MED23: variants seen among roughly 807,000 people sequenced by gnomAD.
MED23 encodes the protein mediator of RNA polymerase II transcription subunit 23.
A neutral mutation model predicts 163.9 loss-of-function variants in MED23; 105 were observed. The ratio of observed to expected loss-of-function variants is 0.64; its 90% CI spans 0.55 to 0.75. The LOEUF is 0.75. Ranked by LOEUF, MED23 falls within the 30% of genes least tolerant of loss-of-function variation. MED23 has a pLI of 0.00. For missense variants in MED23, 1,054 were observed against 1,649.0 expected, an observed-to-expected ratio of 0.64 and a Z score of 6.25; for synonymous variants, 561 against 565.6, an observed-to-expected ratio of 0.99 and a Z score of 0.12.
chr6:131,617,712 T>C (rs1776793394), intron 9 of MED23, among the ~76,000 whole-genome samples: 1 of 152,160 alleles, frequency 6.6e-6, no homozygotes, highest in Non-Finnish European at 1.5e-5. Context: ...GTTGACAATG[T>C]AGATATAGTT....
At chr6:131,577,371 A>G (rs1357851402) in intron 30 of MED23, among the ~76,000 whole-genome samples, 1 of 152,174 alleles carries the variant, frequency 6.6e-6, no homozygotes, top group South Asian at 2.1e-4. Flanking sequence ...ATATATTTAC[A>G]TTTTGACCCA....
Position 131,602,376 on chromosome 6 carries a change from TCGA to T in MED23, c.1934_1936del (p.Val645del). On this transcript the variant is annotated inframe_deletion and splice_region_variant, in exon 17 of 29. Coordinates refer to ENST00000368068, the MANE Select transcript of MED23 (RefSeq NM_004830.4). Reference sequence around the variant, plus strand: ...TGTTATAAGCCTGAGAGCAGTGCTCTCGACACTGAAAATTGGGAGAATAAAAAG... The same window carrying T: ...TGTTATAAGCCTGAGAGCAGTGCTCTCACTGAAAATTGGGAGAATAAAAAG... 2 of 1,612,590 alleles carry T rather than the reference TCGA, an allele frequency of 1.2e-6. No homozygotes were observed. The highest frequency in any genetic ancestry group is 1.7e-6 in the Non-Finnish European group (2 of 1,179,370).
Position 131,587,818 on chromosome 6 carries a change from G to A in MED23, c.3968C>T (p.Pro1323Leu), listed in dbSNP as rs1198337752. 6.2e-7 allele frequency: 1 copy of A among 1,613,512 alleles called. No homozygotes were observed. The highest frequency in any genetic ancestry group is 8.5e-7 in the Non-Finnish European group (1 of 1,179,788). ...QVEKIICNLKPALKLRLRFIT... is the reference protein window; with the variant it reads ...QVEKIICNLKLALKLRLRFIT... The stretch of plus-strand genomic sequence containing the variant: ...GAATCGAAGACGAAGTTTTAAAGCT[G>A]GTTTTAAGTTACAGATAATCTTCTC... Residue 1323 changes from proline to leucine, a missense_variant, in exon 29 of 29, where the codon CCA becomes CTA. Pro to Leu is a moderately conservative substitution (Grantham distance 98). Transcript: ENST00000368068.
Position 131,587,158 on chromosome 6 carries a change from AT to A in MED23, c.*520del, listed in dbSNP as rs1185959383. The A allele has an allele frequency of 1.7e-6, 2 of 1,203,144 alleles. No individual in the cohort carries two copies. The highest frequency in any genetic ancestry group is 3.2e-5 in the African/African-American group (2 of 63,234). 74.5% of individuals were successfully genotyped at this position (1,203,144 alleles called of 1,614,324 possible). ...AAAATTTCAAGTCATTTTAAAAAGA[AT>A]ATGAAGCCTTGTTTGCTCCTACAAT... On this transcript the variant is annotated 3_prime_UTR_variant, in exon 29 of 29. Coordinates refer to ENST00000368068, the MANE Select transcript of MED23 (RefSeq NM_004830.4).
At chr6:131,625,369 G>T (rs1777409796) in intron 3 of MED23, among the ~76,000 whole-genome samples, 1 of 152,120 alleles carries the variant, frequency 6.6e-6, no homozygotes, top group South Asian at 2.1e-4. Context: ...ATTCATTATG[G>T]ATCAGTATGT....
At chr6:131,576,230 T>C (rs1164435817) in intron 30 of MED23, among the ~76,000 whole-genome samples, 1 of 152,218 alleles carries the variant, frequency 6.6e-6, no homozygotes, top group Non-Finnish European at 1.5e-5. Context: ...AAACTGGAGT[T>C]AAATGCCCAT....
In MED23 at chr6:131,598,879, G is replaced by A; in HGVS notation, c.2221-118C>T. On this transcript the variant is annotated intron_variant, in intron 18 of 28. Coordinates refer to ENST00000368068, the MANE Select transcript of MED23 (RefSeq NM_004830.4). The surrounding 1 kb of genome is among the most constrained non-coding windows in gnomAD (Gnocchi z 4.7). Reference sequence around the variant, plus strand: ...ACTAATAAACTCTAGGTCACCTTGAGCAACTCAGCAATTAAGGCCTGAATT... The same window carrying A: ...ACTAATAAACTCTAGGTCACCTTGAACAACTCAGCAATTAAGGCCTGAATT... The A allele has an allele frequency of 1.1e-6, 1 of 898,674 alleles. No individual in the cohort carries two copies. Among genetic ancestry groups the A allele is most frequent in the South Asian group, 1.4e-5 (1 of 69,942 alleles). 55.7% of individuals were successfully genotyped at this position (898,674 alleles called of 1,614,324 possible).
At chr6:131,596,372 C>T in intron 21 of MED23, 146 bp downstream of exon 21, 3 of 1,008,144 alleles carry the variant, frequency 3.0e-6, no homozygotes, top group Non-Finnish European at 3.0e-6. Context: ...AACTCTCAAA[C>T]CTTGAAGAAG....
At chr6:131,583,435 T>C (rs755779260), downstream of MED23, 15 of 1,613,984 alleles carry the variant, frequency 9.3e-6, no homozygotes, top group African/African-American at 1.9e-4. Flanking sequence ...ACACCAGTCG[T>C]GGGAGGTCTG....
intron 4 of MED23, 21 bp downstream of exon 4, chr6:131,624,844 G>A (rs1777366286): frequency 1.2e-6 from 2 of 1,613,002 alleles, no homozygotes; most frequent in Admixed American, 1.7e-5. Context: ...TCTTCAGATT[G>A]CTCATACCCA....
chr6:131,574,392 AGTC>A, intron 30 of MED23: 35 of 1,403,232 alleles, frequency 2.5e-5, no homozygotes, highest in Non-Finnish European at 3.5e-5. Flanking sequence ...ATCCTCCAAA[AGTC>A]TCTCCCAAAC....
downstream of MED23, chr6:131,582,727 C>A (rs752122488): frequency 6.2e-7 from 1 of 1,611,334 alleles, no homozygotes; most frequent in South Asian, 1.1e-5. Context: ...TAAGCTTATT[C>A]CTTGATGTGA....
downstream of MED23, chr6:131,583,619 AC>A: frequency 6.6e-7 from 1 of 1,515,888 alleles, no homozygotes; most frequent in Non-Finnish European, 9.1e-7. Flanking sequence ...TGATGCAATA[AC>A]TAAAGTGTTT....
In MED23 at chr6:131,628,139, C is replaced by A. The variant is rs1221035431; in HGVS notation, c.-90G>T. On this transcript the variant is annotated 5_prime_UTR_variant, in exon 1 of 29. It adds an upstream start codon to the 5' untranslated region. Transcript: ENST00000368068. ...AATATAGGGGCAGAGGGGCGGAGAC[C>A]TCTGGAGGAAACCGTAGCTCCTCGG... The A allele has an allele frequency of 6.1e-6, 9 of 1,472,440 alleles. No homozygotes were observed. Among genetic ancestry groups the A allele is most frequent in the Non-Finnish European group, 8.5e-6 (9 of 1,056,818 alleles). The allele number at this position is 1,472,440 out of a possible 1,614,324, so 91.2% of individuals were successfully genotyped here. A position where few individuals can be genotyped will look rare whatever the true frequency, so the allele number is the denominator to read the frequency against.
In MED23 at chr6:131,610,118, T is replaced by C; in HGVS notation, c.1005A>G (p.Ser335=). ...AAAGCACAAAGAAAATGAGCTGACT[T>C]GAGAGATGCTGCCACAGGAGTTGGC... is the stretch of plus-strand genomic sequence containing the variant. The part of the protein sequence containing the change: ...GTSQLLWQHL[S]SQLIFFVLFQ... The change falls in exon 11 of 29, where the codon TCA becomes TCG. Residue 335 remains serine (S), a synonymous_variant. Transcript: ENST00000368068. 1.2e-6 allele frequency: 2 copies of C among 1,613,994 alleles called. No individual in the cohort carries two copies. The highest frequency in any genetic ancestry group is 2.2e-5 in the South Asian group (2 of 91,076).
chr6:131,608,854 G>A (rs1463433727), intron 11 of MED23, among the ~76,000 whole-genome samples: 3 of 152,160 alleles, frequency 2.0e-5, no homozygotes, highest in Admixed American at 2.0e-4. Flanking sequence ...CATTCAATAT[G>A]TCTAAAATTT....
chr6:131,605,130 C>T, intron 14 of MED23, 110 bp downstream of exon 14: 1 of 1,186,092 alleles, frequency 8.4e-7, no homozygotes, highest in South Asian at 1.5e-5. Context: ...TTTTTTTTCT[C>T]AAATGTACCT....
chr6:131,626,322 T>C (rs1452554792), intron 3 of MED23, among the ~76,000 whole-genome samples: 1 of 151,498 alleles, frequency 6.6e-6, no homozygotes, highest in African/African-American at 2.4e-5. Context: ...ATTGGTTAAA[T>C]TAGAAAAAGT....
At chr6:131,594,833 C>CA (rs869097859) in intron 22 of MED23, among the ~76,000 whole-genome samples, 1 of 72,080 alleles carries the variant, frequency 1.4e-5, no homozygotes, top group African/African-American at 3.3e-5. Context: ...AACAAACAAA[C>CA]AAACAAAACC....
Sources: allele counts gnomAD v4.1 joint callset (sites outside exome capture counted in the v4.1 genomes callset), GRCh38; gene constraint gnomAD v4.1.1; non-coding constraint Gnocchi (gnomAD v3.1); transcripts MANE v1.5; gene names NCBI Gene and HGNC (gene_info 2026-07-23, HGNC 2026-07-21).